The following RARB variants were observed in gnomAD, a reference collection of about 807,000 sequenced individuals.
RARB encodes the protein HBV-activated protein.
Under a neutral mutation model 51.9 loss-of-function variants are expected in RARB, and 17 were observed. That is an observed-to-expected ratio of 0.33 (90% CI 0.22 to 0.49). RARB has a LOEUF of 0.49. Ranked by LOEUF, RARB falls within the 20% of genes least tolerant of loss-of-function variation. The pLI is 0.99. For missense variants in RARB, 369 were observed against 550.8 expected (o/e 0.67, Z 3.30); for synonymous variants, 215 against 195.4 (o/e 1.10, Z -0.84).
intron 3 of RARB, among the ~76,000 whole-genome samples, chr3:25,566,820 AGTT>A (rs1356395451): frequency 6.6e-6 from 1 of 152,094 alleles, no homozygotes; most frequent in Non-Finnish European, 1.5e-5. Context: ...GTGGGTTGTT[AGTT>A]TGTTTTGTGG....
At chr3:25,451,938 G>A (rs1367696779) in intron 1 of RARB, among the ~76,000 whole-genome samples, 3 of 152,140 alleles carry the variant, frequency 2.0e-5, no homozygotes, top group South Asian at 2.1e-4. Context: ...TGGGAATCCC[G>A]ATAGAAGATA....
At chr3:25,128,844 C>T (rs542087939) in intron 3 of RARB, among the ~76,000 whole-genome samples, 4 of 151,822 alleles carry the variant, frequency 2.6e-5, no homozygotes, top group Non-Finnish European at 4.4e-5. Context: ...AAAAATCAAA[C>T]ATTGTAATAA....
chr3:24,940,720 C>A (rs911391437), intron 2 of RARB, among the ~76,000 whole-genome samples: 2 of 152,186 alleles, frequency 1.3e-5, no homozygotes, highest in Non-Finnish European at 2.9e-5. Context: ...GACTCCCATT[C>A]TGCTGCTTGG....
At chr3:25,298,917 A>G (rs970788692) in intron 5 of RARB, among the ~76,000 whole-genome samples, 1 of 152,154 alleles carries the variant, frequency 6.6e-6, no homozygotes, top group Non-Finnish European at 1.5e-5. Context: ...GACCTGGAAT[A>G]CCTGAAATAC....
chr3:25,154,714 C>T (rs1489118703), intron 4 of RARB, among the ~76,000 whole-genome samples: 1 of 152,210 alleles, frequency 6.6e-6, no homozygotes, highest in Non-Finnish European at 1.5e-5. Flanking sequence ...TTACTACTCC[C>T]CAGCTCAGAG....
At chr3:25,001,893 T>C (rs930140091) in intron 2 of RARB, among the ~76,000 whole-genome samples, 6 of 152,092 alleles carry the variant, frequency 3.9e-5, no homozygotes, top group Non-Finnish European at 7.4e-5. Context: ...TTCTCCCATT[T>C]CGGCCTCCCA....
At chr3:25,204,011 T>C (rs1701463891) in intron 5 of RARB, among the ~76,000 whole-genome samples, 1 of 152,194 alleles carries the variant, frequency 6.6e-6, no homozygotes, top group African/African-American at 2.4e-5. Context: ...CTGGATAATA[T>C]CCTGCAGAGT....
chr3:25,508,587 G>A (rs201050420), intron 3 of RARB, among the ~76,000 whole-genome samples: 2 of 152,090 alleles, frequency 1.3e-5, no homozygotes, highest in East Asian at 3.9e-4. Flanking sequence ...CATCATCAGG[G>A]CACTTAATGT....
At chr3:25,035,444 T>C (rs969690691) in intron 2 of RARB, among the ~76,000 whole-genome samples, 1 of 122,038 alleles carries the variant, frequency 8.2e-6, no homozygotes, top group Admixed American at 8.4e-5. Context: ...TTTTTTTTTT[T>C]TTTCTCTCAA....
At chr3:24,908,737 A>T (rs1295504413) in intron 2 of RARB, among the ~76,000 whole-genome samples, 1 of 138,300 alleles carries the variant, frequency 7.2e-6, no homozygotes, top group African/African-American at 2.6e-5. Flanking sequence ...GGGAGATATT[A>T]ATGAAAAAAA....
At chr3:24,943,270 A>G (rs1447969490) in intron 2 of RARB, among the ~76,000 whole-genome samples, 1 of 152,186 alleles carries the variant, frequency 6.6e-6, no homozygotes, top group Non-Finnish European at 1.5e-5. Flanking sequence ...GCACTTGGTG[A>G]AGGTTATTAA....
chr3:25,409,525 A>C (rs1384814688), intron 5 of RARB, among the ~76,000 whole-genome samples: 1 of 152,180 alleles, frequency 6.6e-6, no homozygotes, highest in Non-Finnish European at 1.5e-5. Flanking sequence ...TTGAATATTT[A>C]GGGCTCAGAG....
Position 25,428,728 on chromosome 3 carries a change from G to A in RARB, c.-4G>A. The A allele has an allele frequency of 6.2e-7, 1 of 1,613,262 alleles. No homozygotes were observed. The highest frequency in any genetic ancestry group is 8.5e-7 in the Non-Finnish European group (1 of 1,179,346). Reference sequence around the variant, plus strand: ...TTTTGCAGACATTCAGTGCAAGGGAGATCATGTTTGACTGTATGGATGTTC... The same window carrying A: ...TTTTGCAGACATTCAGTGCAAGGGAAATCATGTTTGACTGTATGGATGTTC... On this transcript the variant is annotated 5_prime_UTR_variant, in exon 1 of 8. Coordinates refer to ENST00000330688, the MANE Select transcript of RARB (RefSeq NM_000965.5).
At chr3:25,494,281 G>GCACACACACACACACACACACACACA (rs1357425880) in intron 2 of RARB, among the ~76,000 whole-genome samples, 1 of 51,602 alleles carries the variant, frequency 1.9e-5, no homozygotes, top group African/African-American at 2.3e-4. Context: ...ACACACACAT[G>GCACACACACACACACACACACACACA]CCATCATTTA....
chr3:25,360,222 T>A (rs2125463138), intron 5 of RARB, among the ~76,000 whole-genome samples: 1 of 152,344 alleles, frequency 6.6e-6, no homozygotes, highest in South Asian at 2.1e-4. Context: ...CCCTTTACCA[T>A]TATGTAATGG....
intron 4 of RARB, among the ~76,000 whole-genome samples, chr3:25,132,285 A>G (rs963860319): frequency 1.3e-5 from 2 of 151,836 alleles, no homozygotes; most frequent in African/African-American, 4.8e-5. Flanking sequence ...TGCTATTATA[A>G]TTATAAATAA....
intron 5 of RARB, among the ~76,000 whole-genome samples, chr3:25,226,117 C>T (rs1053633585): frequency 6.6e-6 from 1 of 152,166 alleles, no homozygotes; most frequent in Non-Finnish European, 1.5e-5. Flanking sequence ...AAAGACGTGT[C>T]CACTTTTCTA....
intron 5 of RARB, among the ~76,000 whole-genome samples, chr3:25,342,939 C>T (rs1192721190): frequency 2.0e-5 from 3 of 151,094 alleles, no homozygotes; most frequent in African/African-American, 4.9e-5. Flanking sequence ...AAAAGAGATG[C>T]CAGAGCTCAT....
chr3:25,572,477 C>T (rs1380508431), intron 4 of RARB, among the ~76,000 whole-genome samples: 1 of 152,136 alleles, frequency 6.6e-6, no homozygotes, highest in African/African-American at 2.4e-5. Context: ...TAACTTTCCC[C>T]TTGTCTCTTA....
Sources: allele counts gnomAD v4.1 joint callset (sites outside exome capture counted in the v4.1 genomes callset), GRCh38; gene constraint gnomAD v4.1.1; transcripts MANE v1.5; gene names NCBI Gene and HGNC (gene_info 2026-07-23, HGNC 2026-07-21).